Variants in CSMD1 observed in about 807,000 individuals in gnomAD.
CSMD1 encodes CUB and sushi domain-containing protein 1.
In CSMD1, 213 loss-of-function variants were observed where a neutral mutation model predicts 417.5. The ratio of observed to expected loss-of-function variants is 0.51; its 90% CI spans 0.46 to 0.57. The LOEUF is 0.57. Among genes scored for constraint, CSMD1 ranks in the 20% least tolerant of loss-of-function variants. The pLI, the probability that CSMD1 is intolerant of heterozygous loss-of-function variation, is 0.00. For missense variants in CSMD1, 6,923 were observed against 4,529.7 expected (o/e 1.53, Z -15.17); for synonymous variants, 2,862 against 1,736.8 (o/e 1.65, Z -16.11).
At chr8:4,481,811 T>A (rs922288907) in intron 2 of CSMD1, among the ~76,000 whole-genome samples, 1 of 152,170 alleles carries the variant, frequency 6.6e-6, no homozygotes, top group African/African-American at 2.4e-5. Context: ...TTAACTTGTT[T>A]AATTTTAATA....
chr8:4,256,733 T>A (rs1385210019), intron 3 of CSMD1, among the ~76,000 whole-genome samples: 1 of 152,034 alleles, frequency 6.6e-6, no homozygotes, highest in Non-Finnish European at 1.5e-5. Context: ...CCAGGCACAG[T>A]TACGGGCAGT....
chr8:4,643,953 C>G (rs759383610), intron 1 of CSMD1, among the ~76,000 whole-genome samples: 4 of 152,232 alleles, frequency 2.6e-5, no homozygotes, highest in Non-Finnish European at 5.9e-5. Flanking sequence ...ACATCAGCCA[C>G]TCTGGCTCAG....
At chr8:3,070,474 G>A (rs1813259768) in intron 49 of CSMD1, among the ~76,000 whole-genome samples, 1 of 152,130 alleles carries the variant, frequency 6.6e-6, no homozygotes, top group Non-Finnish European at 1.5e-5. Context: ...TTGCTGCTTT[G>A]AAATTTCTTT....
intron 3 of CSMD1, among the ~76,000 whole-genome samples, chr8:4,338,553 A>G (rs1232524200): frequency 1.3e-5 from 2 of 152,048 alleles, no homozygotes; most frequent in Non-Finnish European, 2.9e-5. Context: ...TATTTTCAAA[A>G]CTAATTTCTG....
At chr8:3,274,106 C>A (rs1016956042) in intron 26 of CSMD1, among the ~76,000 whole-genome samples, 1 of 151,576 alleles carries the variant, frequency 6.6e-6, no homozygotes, top group African/African-American at 2.4e-5. Context: ...TGAATGTGTC[C>A]CAGAGACTCT....
chr8:3,781,421 G>T (rs1284151805), intron 5 of CSMD1, among the ~76,000 whole-genome samples: 2 of 152,176 alleles, frequency 1.3e-5, no homozygotes, highest in African/African-American at 4.8e-5. Context: ...TGGACTGGGA[G>T]CAGCACAGTC....
chr8:4,377,036 C>T (rs148085717), intron 3 of CSMD1, among the ~76,000 whole-genome samples: 140 of 152,260 alleles, frequency 9.2e-4, no homozygotes, highest in African/African-American at 1.9e-3. Context: ...ATGGCCTCGT[C>T]GGTTTCAGAT....
chr8:3,909,601 G>A (rs940402651), intron 5 of CSMD1, among the ~76,000 whole-genome samples: 2 of 152,062 alleles, frequency 1.3e-5, no homozygotes, highest in African/African-American at 4.8e-5. Flanking sequence ...CTTCTAATAA[G>A]GCCCTCTGTT....
Position 4,647,943 on chromosome 8 carries a change from T to G in CSMD1, c.86-10385A>C, listed in dbSNP as rs1376544551. 5.9e-5 allele frequency among the ~76,000 whole-genome samples: 9 copies of G among 152,328 alleles called. No individual in the cohort carries two copies. In the South Asian group the frequency reaches 1.9e-3, roughly 32 times the overall value. On this transcript the variant is annotated intron_variant, in intron 1 of 69. Transcript: ENST00000635120. Reference sequence around the variant, plus strand: ...TTGGGTATATACCCAGTAATGGGATTGCTGGTCAAATGGTATTTCTGGTTC... The same window carrying G: ...TTGGGTATATACCCAGTAATGGGATGGCTGGTCAAATGGTATTTCTGGTTC...
rs895610770 is a variant in CSMD1 at position 4,720,926 on chromosome 8, G to A, written c.86-83368C>T. 5.9e-5 allele frequency among the ~76,000 whole-genome samples: 9 copies of A among 152,050 alleles called. No individual in the cohort carries two copies. The East Asian group carries it at 7.7e-4, about 13-fold the overall frequency. ...ACCTTGATCAAACATCTTAACTTTC[G>A]TGAATCTACAATTCACCAGCTCTTA... On this transcript the variant is annotated intron_variant, in intron 1 of 69. Transcript: ENST00000635120.
intron 3 of CSMD1, among the ~76,000 whole-genome samples, chr8:4,289,581 C>A (rs1436334924): frequency 2.0e-5 from 3 of 152,078 alleles, no homozygotes; most frequent in East Asian, 1.9e-4. Flanking sequence ...ACATTTTGTC[C>A]AGGTCTGGCA....
At chr8:4,931,406 C>T (rs550207646) in intron 1 of CSMD1, among the ~76,000 whole-genome samples, 7 of 152,260 alleles carry the variant, frequency 4.6e-5, no homozygotes, top group African/African-American at 1.2e-4. Flanking sequence ...GACACTGACT[C>T]GGGTCTTTGC....
intron 10 of CSMD1, among the ~76,000 whole-genome samples, chr8:3,565,860 T>A (rs946957479): frequency 1.3e-5 from 2 of 152,164 alleles, no homozygotes; most frequent in Non-Finnish European, 2.9e-5. Flanking sequence ...CATCTTGATT[T>A]AGGTTCATAT....
intron 6 of CSMD1, among the ~76,000 whole-genome samples, chr8:3,738,578 G>C (rs913170393): frequency 2.0e-5 from 3 of 152,148 alleles, no homozygotes; most frequent in Non-Finnish European, 4.4e-5. Flanking sequence ...CTGTGCTCTT[G>C]TCACGGGGAT....
chr8:3,608,602 A>G (rs1373594189), intron 8 of CSMD1, among the ~76,000 whole-genome samples: 1 of 151,996 alleles, frequency 6.6e-6, no homozygotes, highest in Non-Finnish European at 1.5e-5. Flanking sequence ...TCTCTATTAA[A>G]AATGCAAAAA....
Position 4,421,012 on chromosome 8 carries a change from G to C in CSMD1, c.303-947C>G, listed in dbSNP as rs138154616. Among the ~76,000 whole-genome samples the C allele has an allele frequency of 5.9e-3, 898 of 152,198 alleles. 5 individuals are homozygous for C. The highest frequency in any genetic ancestry group is 0.02 in the African/African-American group (828 of 41,534). ...ATCTTTGTAAACTGCAGTATCTGCT[G>C]TCTGCTTTTATTTTTTAATTCAGTC... is the stretch of plus-strand genomic sequence containing the variant. On this transcript the variant is annotated intron_variant, in intron 2 of 69. Coordinates refer to ENST00000635120, the MANE Select transcript of CSMD1 (RefSeq NM_033225.6).
intron 39 of CSMD1, among the ~76,000 whole-genome samples, chr8:3,153,888 G>A (rs1233890852): frequency 6.6e-6 from 1 of 152,160 alleles, no homozygotes. Context: ...TGTTTTTGAT[G>A]TTGCTTATCT....
chr8:3,000,734 C>T (rs1208386520), intron 52 of CSMD1, among the ~76,000 whole-genome samples: 2 of 152,074 alleles, frequency 1.3e-5, no homozygotes, highest in Non-Finnish European at 1.5e-5. Flanking sequence ...CTGAAGTTAG[C>T]GTGGACTTGG....
chr8:3,314,535 C>G (rs1805601917), intron 23 of CSMD1, among the ~76,000 whole-genome samples: 1 of 152,144 alleles, frequency 6.6e-6, no homozygotes, highest in Non-Finnish European at 1.5e-5. Flanking sequence ...TGTCAAAGCA[C>G]TATTAAGTAT....
Sources: gnomAD v4.1 joint callset for allele counts (sites outside exome capture counted in the v4.1 genomes callset) on GRCh38, gnomAD v4.1.1 for gene constraint, MANE v1.5 for transcripts, NCBI Gene and HGNC (gene_info 2026-07-23, HGNC 2026-07-21) for gene names.